The following UBE3D variants were observed in gnomAD, a reference collection of about 807,000 sequenced individuals.
UBE3D encodes E3 ubiquitin-protein ligase E3D.
Under a neutral mutation model 49.6 loss-of-function variants are expected in UBE3D, and 48 were observed. That is an observed-to-expected ratio of 0.97 (90% CI 0.77 to 1.23). The LOEUF (loss-of-function observed/expected upper bound fraction) is 1.23, where lower values mean the gene tolerates loss of function less well. Ranked by LOEUF, UBE3D falls within the 50% of genes most tolerant of loss-of-function variation. UBE3D has a pLI of 0.00. For missense variants in UBE3D, 452 were observed against 468.4 expected (o/e 0.96, Z 0.32); for synonymous variants, 189 against 174.2 (o/e 1.08, Z -0.67).
At chr6:83,032,199 T>G (rs1171672211) in intron 5 of UBE3D, 1 of 456,062 alleles carries the variant, frequency 2.2e-6, no homozygotes, top group East Asian at 7.0e-5. Flanking sequence ...AAAGCCACAG[T>G]ACCTCAACAC....
intron 8 of UBE3D, among the ~76,000 whole-genome samples, chr6:83,014,069 T>C (rs934484054): frequency 6.6e-6 from 1 of 152,236 alleles, no homozygotes; most frequent in African/African-American, 2.4e-5. Context: ...AATGACTGCA[T>C]ACCAAGTACC....
At chr6:82,914,240 G>C (rs1772746621) in intron 9 of UBE3D, among the ~76,000 whole-genome samples, 1 of 152,122 alleles carries the variant, frequency 6.6e-6, no homozygotes, top group Non-Finnish European at 1.5e-5. Context: ...TTTTAGAAAG[G>C]GCTTAGGTCT....
chr6:82,929,686 T>G (rs898265643), intron 9 of UBE3D, among the ~76,000 whole-genome samples: 2 of 152,166 alleles, frequency 1.3e-5, no homozygotes, highest in African/African-American at 4.8e-5. Flanking sequence ...TAAAAAGCCC[T>G]TCTCTTCTTT....
intron 8 of UBE3D, among the ~76,000 whole-genome samples, chr6:83,004,701 C>G (rs1020795196): frequency 5.9e-5 from 9 of 152,188 alleles, no homozygotes; most frequent in Admixed American, 1.3e-4. Flanking sequence ...AATAAGTTAG[C>G]ATAAATTGTT....
At chr6:82,941,910 G>A (rs1160241421) in intron 9 of UBE3D, among the ~76,000 whole-genome samples, 1 of 152,158 alleles carries the variant, frequency 6.6e-6, no homozygotes, top group Non-Finnish European at 1.5e-5. Flanking sequence ...CCCAGTCTCA[G>A]GGAGTTCTTT....
intron 9 of UBE3D, among the ~76,000 whole-genome samples, chr6:82,950,483 A>G (rs1445786764): frequency 6.6e-6 from 1 of 152,152 alleles, no homozygotes; most frequent in Admixed American, 6.5e-5. Context: ...AAATAGAATT[A>G]CCAGCTGGGC....
At chr6:82,931,074 C>G (rs1165936401) in intron 9 of UBE3D, among the ~76,000 whole-genome samples, 1 of 152,186 alleles carries the variant, frequency 6.6e-6, no homozygotes, top group Non-Finnish European at 1.5e-5. Context: ...CTGCTCCAGT[C>G]ATGGCTAAAA....
In UBE3D at chr6:83,038,238, C is replaced by A. The variant is rs933078299; in HGVS notation, c.667+178G>T. 7.4e-6 allele frequency: 4 copies of A among 537,312 alleles called. No homozygotes were observed. The African/African-American group carries it at 7.8e-5, about 10-fold the overall frequency. The allele number at this position is 537,312 out of a possible 1,614,324, so 33.3% of individuals were successfully genotyped here. A position where few individuals can be genotyped will look rare whatever the true frequency, so the allele number is the denominator to read the frequency against. On this transcript the variant is annotated intron_variant, in intron 5 of 9. Coordinates refer to ENST00000369747, the MANE Select transcript of UBE3D (RefSeq NM_198920.3). ...TTCAATACTCTGTATTTATGAAGGT[C>A]AAAATATACAAACTTCTTGGTATAT...
the UBE3D span, among the ~76,000 whole-genome samples, chr6:82,884,310 A>AG: frequency 6.6e-6 from 1 of 152,224 alleles, no homozygotes; most frequent in Admixed American, 6.5e-5. Context: ...CAGGTAGTAG[A>AG]GGCACCTACA....
At chr6:83,046,677 G>GGGGT (rs1783074216) in intron 3 of UBE3D, among the ~76,000 whole-genome samples, 1 of 136,078 alleles carries the variant, frequency 7.3e-6, no homozygotes, top group Non-Finnish European at 1.6e-5. Flanking sequence ...GTTGGCGGGG[G>GGGGT]GGGTGGGCGG....
At chr6:82,951,567 G>A (rs1247817512) in intron 9 of UBE3D, among the ~76,000 whole-genome samples, 1 of 152,172 alleles carries the variant, frequency 6.6e-6, no homozygotes, top group African/African-American at 2.4e-5. Context: ...TTAGGGGAGA[G>A]GCAGAGTTTA....
At chr6:83,045,357 T>A (rs189976150) in intron 3 of UBE3D, among the ~76,000 whole-genome samples, 1 of 152,332 alleles carries the variant, frequency 6.6e-6, no homozygotes, top group African/African-American at 2.4e-5. Flanking sequence ...TTTTCAATGC[T>A]GCTTTAACTG....
chr6:82,964,634 A>G (rs183832324), intron 8 of UBE3D, among the ~76,000 whole-genome samples: 1 of 152,196 alleles, frequency 6.6e-6, no homozygotes, highest in East Asian at 1.9e-4. Context: ...TGATATGTCC[A>G]TCAATTTAAG....
At chr6:82,914,056 T>C (rs1008493074) in intron 9 of UBE3D, among the ~76,000 whole-genome samples, 1 of 152,228 alleles carries the variant, frequency 6.6e-6, no homozygotes, top group Non-Finnish European at 1.5e-5. Context: ...TTACATGACT[T>C]GCTGAAGGCA....
chr6:82,967,419 T>C (rs886762734), intron 8 of UBE3D, among the ~76,000 whole-genome samples: 3 of 152,190 alleles, frequency 2.0e-5, no homozygotes, highest in Non-Finnish European at 4.4e-5. Flanking sequence ...AACAGTTCCA[T>C]TACGAGCATC....
At chr6:82,912,265 A>C (rs1206501176) in intron 9 of UBE3D, among the ~76,000 whole-genome samples, 1 of 151,566 alleles carries the variant, frequency 6.6e-6, no homozygotes, top group Non-Finnish European at 1.5e-5. Flanking sequence ...TACTCCTCTT[A>C]GTGTCATTAA....
the UBE3D span, among the ~76,000 whole-genome samples, chr6:82,880,821 A>G: frequency 3.3e-5 from 5 of 152,036 alleles, no homozygotes; most frequent in African/African-American, 7.2e-5. Flanking sequence ...ATAGAAATTT[A>G]TTTCTCACAG....
intron 9 of UBE3D, among the ~76,000 whole-genome samples, chr6:82,911,196 C>CAAAAAAAAA (rs1156620624): frequency 5.1e-5 from 2 of 39,324 alleles, no homozygotes; most frequent in Non-Finnish European, 4.7e-5. Context: ...AACATTTTGG[C>CAAAAAAAAA]AAAAAAAAAA....
chr6:82,968,273 A>G (rs937687658), intron 8 of UBE3D, among the ~76,000 whole-genome samples: 1 of 152,004 alleles, frequency 6.6e-6, no homozygotes, highest in African/African-American at 2.4e-5. Context: ...CTCATATTGT[A>G]CTGCATTCTC....
Sources: allele counts gnomAD v4.1 joint callset (sites outside exome capture counted in the v4.1 genomes callset), GRCh38; gene constraint gnomAD v4.1.1; transcripts MANE v1.5; gene names NCBI Gene and HGNC (gene_info 2026-07-23, HGNC 2026-07-21).